Variants in GLI3 observed in about 807,000 individuals in gnomAD.
The protein encoded by GLI3 is GLI family zinc finger 3.
GLI3 carries 20 observed loss-of-function variants against 100.8 expected under a neutral mutation model. The observed-to-expected ratio is 0.20, with a 90% CI of 0.14 to 0.29. The LOEUF is 0.29. GLI3 is among the 10% of genes least tolerant of loss of function. The pLI is 1.00. For missense variants in GLI3, 2,040 were observed against 2,128.5 expected, an observed-to-expected ratio of 0.96 and a Z score of 0.82; for synonymous variants, 938 against 860.5, an observed-to-expected ratio of 1.09 and a Z score of -1.58.
intron 3 of GLI3, among the ~76,000 whole-genome samples, chr7:42,096,242 C>T (rs1011100501): frequency 6.6e-5 from 10 of 152,076 alleles, no homozygotes; most frequent in Non-Finnish European, 1.3e-4. Flanking sequence ...CTGGAGCCAC[C>T]GAAGTGGAGG....
intron 3 of GLI3, among the ~76,000 whole-genome samples, chr7:42,081,762 C>T (rs1314889998): frequency 1.3e-5 from 2 of 152,078 alleles, no homozygotes; most frequent in African/African-American, 4.8e-5. Flanking sequence ...AATTTACATA[C>T]AAAAATTGCA....
intron 4 of GLI3, among the ~76,000 whole-genome samples, chr7:42,057,405 T>A (rs1398769973): frequency 6.6e-6 from 1 of 152,212 alleles, no homozygotes; most frequent in East Asian, 1.9e-4. Context: ...TAGAACTACC[T>A]CTTTGGAAAA....
At chr7:41,968,152 A>G (rs1371294227) in intron 13 of GLI3, among the ~76,000 whole-genome samples, 1 of 152,224 alleles carries the variant, frequency 6.6e-6, no homozygotes. Flanking sequence ...TGCTAGCTGC[A>G]GTGTGACTGG....
At chr7:42,129,413 T>C (rs886756623) in intron 3 of GLI3, among the ~76,000 whole-genome samples, 1 of 152,116 alleles carries the variant, frequency 6.6e-6, no homozygotes, top group Non-Finnish European at 1.5e-5. Flanking sequence ...AGATGCATAG[T>C]GGGTAAGACT....
intron 4 of GLI3, among the ~76,000 whole-genome samples, chr7:42,075,203 G>A (rs1386642374): frequency 6.6e-6 from 1 of 152,194 alleles, no homozygotes; most frequent in Non-Finnish European, 1.5e-5. Flanking sequence ...AGAGGAAATA[G>A]TTCAGCCTAT....
chr7:42,115,762 T>C (rs962763509), intron 3 of GLI3, among the ~76,000 whole-genome samples: 3 of 152,174 alleles, frequency 2.0e-5, no homozygotes, highest in Non-Finnish European at 2.9e-5. Context: ...TGGTCACAGG[T>C]ATGCAGAGTC....
chr7:42,113,534 G>A, intron 3 of GLI3: 1 of 1,175,258 alleles, frequency 8.5e-7, no homozygotes, highest in Non-Finnish European at 1.3e-6. Flanking sequence ...AAAAGCTGAT[G>A]CTGGCAAGGA....
At chr7:42,042,116 G>C (rs984564291) in intron 6 of GLI3, among the ~76,000 whole-genome samples, 1 of 150,886 alleles carries the variant, frequency 6.6e-6, no homozygotes, top group African/African-American at 2.4e-5. Context: ...GAGTTCAAGC[G>C]ATTCTTCTGC....
chr7:42,160,729 C>A (rs1294751630), intron 2 of GLI3, among the ~76,000 whole-genome samples: 1 of 152,174 alleles, frequency 6.6e-6, no homozygotes, highest in Non-Finnish European at 1.5e-5. Flanking sequence ...CTCCTATCAA[C>A]TTCAGCCAAC....
chr7:42,019,058 T>C (rs567321729), intron 10 of GLI3, among the ~76,000 whole-genome samples: 1 of 152,308 alleles, frequency 6.6e-6, no homozygotes, highest in East Asian at 1.9e-4. Flanking sequence ...TGTTATTTCT[T>C]ACACAGAAAT....
chr7:42,078,403 A>G (rs1041073656), intron 3 of GLI3, among the ~76,000 whole-genome samples: 3 of 152,216 alleles, frequency 2.0e-5, no homozygotes, highest in Admixed American at 6.5e-5. Flanking sequence ...GAAGAAAAAA[A>G]TCCAGTAAGA....
intron 4 of GLI3, among the ~76,000 whole-genome samples, chr7:42,062,511 A>G (rs1784589490): frequency 6.6e-6 from 1 of 152,170 alleles, no homozygotes; most frequent in South Asian, 2.1e-4. Context: ...GATTAGAAGA[A>G]AGTGGGACCA....
chr7:42,078,325 T>C (rs907073923), intron 3 of GLI3, among the ~76,000 whole-genome samples: 3 of 152,226 alleles, frequency 2.0e-5, no homozygotes, highest in Non-Finnish European at 4.4e-5. Context: ...TTTTTAAAGT[T>C]ATAGTACATT....
At chr7:42,153,432 C>T (rs1185141732) in intron 2 of GLI3, among the ~76,000 whole-genome samples, 1 of 152,062 alleles carries the variant, frequency 6.6e-6, no homozygotes, top group African/African-American at 2.4e-5. Flanking sequence ...CATTCTAGGA[C>T]TCTAAATTTG....
Position 42,024,056 on chromosome 7 carries a change from T to G in GLI3, c.1357-448A>C, listed in dbSNP as rs111709763. 2.5e-3 allele frequency among the ~76,000 whole-genome samples: 381 copies of G among 152,336 alleles called. 6 individuals carry two copies. Among genetic ancestry groups the G allele is most frequent in the African/African-American group, 7.9e-3 (330 of 41,580 alleles). The stretch of plus-strand genomic sequence containing the variant: ...ATTTTTGGTCTGTTACTTTGTTTAT[T>G]CTTATATTTTGTAATCCAGGGAAAT... On this transcript the variant is annotated intron_variant, in intron 9 of 14. Transcript: ENST00000395925.
At chr7:41,974,915 G>T (rs959471727) in intron 12 of GLI3, among the ~76,000 whole-genome samples, 2 of 152,176 alleles carry the variant, frequency 1.3e-5, no homozygotes, top group African/African-American at 4.8e-5. Context: ...CTTCTGGAAG[G>T]TTTCATTCAT....
intron 3 of GLI3, among the ~76,000 whole-genome samples, chr7:42,103,076 G>A (rs948144906): frequency 6.6e-6 from 1 of 152,122 alleles, no homozygotes; most frequent in Non-Finnish European, 1.5e-5. Context: ...CTCCGGCTGA[G>A]GGTCTCTCAG....
At chr7:42,022,734 G>C (rs1788980035) in intron 10 of GLI3, among the ~76,000 whole-genome samples, 1 of 152,210 alleles carries the variant, frequency 6.6e-6, no homozygotes. Context: ...GCCAAGAACA[G>C]TGAAGCACTG....
intron 2 of GLI3, among the ~76,000 whole-genome samples, chr7:42,164,686 C>T (rs71538647): frequency 0.059 from 8,922 of 151,720 alleles, 268 homozygotes; most frequent in Admixed American, 0.11. Context: ...AACAATTAGC[C>T]GGGCGTGGTG....
Sources: allele counts gnomAD v4.1 joint callset (sites outside exome capture counted in the v4.1 genomes callset), GRCh38; gene constraint gnomAD v4.1.1; transcripts MANE v1.5; gene names NCBI Gene and HGNC (gene_info 2026-07-23, HGNC 2026-07-21).